Variants in KLF12 observed in about 807,000 individuals in gnomAD.
KLF12 encodes the protein Krueppel-like factor 12.
Under a neutral mutation model 37.8 loss-of-function variants are expected in KLF12, and 9 were observed. The observed-to-expected ratio is 0.24, with a 90% confidence interval of 0.14 to 0.42. The LOEUF is 0.42. Ranked by LOEUF, KLF12 falls within the 10% of genes least tolerant of loss-of-function variation. The pLI is 1.00. For synonymous variants in KLF12, 208 were observed against 202.1 expected, an observed-to-expected ratio of 1.03 and a Z score of -0.25; for missense variants, 411 against 516.0, an observed-to-expected ratio of 0.80 and a Z score of 1.97.
chr13:74,087,118 A>T (rs569518111), intron 1 of KLF12, among the ~76,000 whole-genome samples: 10 of 152,268 alleles, frequency 6.6e-5, no homozygotes, highest in African/African-American at 9.6e-5. Flanking sequence ...CTTGAGGATG[A>T]TGACAAGCTG....
intron 3 of KLF12, among the ~76,000 whole-genome samples, chr13:73,915,689 A>ATTTT (rs140697314): frequency 2.0e-5 from 2 of 99,128 alleles, no homozygotes; most frequent in African/African-American, 3.9e-5. Flanking sequence ...ATTTTTTTGT[A>ATTTT]TTTTTTTTTT....
chr13:73,817,308 G>A (rs1242462885), intron 4 of KLF12, among the ~76,000 whole-genome samples: 1 of 120,148 alleles, frequency 8.3e-6, no homozygotes, highest in East Asian at 2.4e-4. Context: ...AACAGAGTGA[G>A]ATCCTGTTTC....
chr13:74,078,577 G>T (rs984097209), intron 1 of KLF12, among the ~76,000 whole-genome samples: 3 of 152,146 alleles, frequency 2.0e-5, no homozygotes, highest in African/African-American at 7.2e-5. Flanking sequence ...ATAATTGTGT[G>T]ATGATATAGA....
chr13:73,739,405 G>A (rs1877787986), intron 6 of KLF12, among the ~76,000 whole-genome samples: 1 of 151,928 alleles, frequency 6.6e-6, no homozygotes, highest in Non-Finnish European at 1.5e-5. Context: ...CCCAATTCTG[G>A]GCTGGGAATA....
At chr13:73,954,454 C>G (rs1244853009) in intron 2 of KLF12, among the ~76,000 whole-genome samples, 1 of 152,112 alleles carries the variant, frequency 6.6e-6, no homozygotes, top group Non-Finnish European at 1.5e-5. Flanking sequence ...AAAAAATGAT[C>G]TTTAGATTTT....
At chr13:74,146,870 G>C in the KLF12 span, among the ~76,000 whole-genome samples, 11 of 152,330 alleles carry the variant, frequency 7.2e-5, no homozygotes, top group Non-Finnish European at 1.3e-4. Context: ...GGTAAGAGAT[G>C]GAGCTGAGAT....
At chr13:73,831,386 C>A (rs1884151520) in intron 4 of KLF12, among the ~76,000 whole-genome samples, 1 of 151,910 alleles carries the variant, frequency 6.6e-6, no homozygotes, top group Admixed American at 6.6e-5. Flanking sequence ...ATATGTAAAG[C>A]AGAAAGAACA....
intron 2 of KLF12, among the ~76,000 whole-genome samples, chr13:73,978,596 T>C (rs1239153307): frequency 6.6e-6 from 1 of 152,172 alleles, no homozygotes; most frequent in Non-Finnish European, 1.5e-5. Flanking sequence ...CACCAATCAT[T>C]TCTTTTTTTA....
chr13:73,946,869 ACTAT>A (rs888165492), intron 2 of KLF12, among the ~76,000 whole-genome samples: 1 of 152,190 alleles, frequency 6.6e-6, no homozygotes, highest in Admixed American at 6.5e-5. Context: ...CATGCTCCAA[ACTAT>A]CTAGGAAGGT....
chr13:73,841,686 G>C (rs1176477931), intron 4 of KLF12, among the ~76,000 whole-genome samples: 1 of 152,042 alleles, frequency 6.6e-6, no homozygotes, highest in Non-Finnish European at 1.5e-5. Flanking sequence ...GTATAGGCTG[G>C]TGCAAGAGTA....
chr13:74,278,048 G>A, the KLF12 span, among the ~76,000 whole-genome samples: 2 of 152,152 alleles, frequency 1.3e-5, no homozygotes, highest in Non-Finnish European at 2.9e-5. Context: ...GGGTTGGGTG[G>A]TGCTGTTCTC....
At chr13:73,899,759 T>G (rs1386139724) in intron 3 of KLF12, among the ~76,000 whole-genome samples, 1 of 152,138 alleles carries the variant, frequency 6.6e-6, no homozygotes, top group Admixed American at 6.5e-5. Context: ...ATATCAGCAC[T>G]CCAGGTTCTC....
rs562028585 is a variant in KLF12, at chr13:73,686,378, C to T, written c.*9112G>A. 1.3e-5 allele frequency: 2 copies of T among 152,542 alleles called. No homozygotes were observed. Among genetic ancestry groups the T allele is most frequent in the South Asian group, 2.1e-4 (1 of 4,824 alleles). 9.4% of individuals were successfully genotyped at this position (152,542 alleles called of 1,614,324 possible). ...ATAGGGCAAAAAAATCACCATTTTA[C>T]AGTAAAAGGAAAAAAGCTCTGAGTA... On this transcript the variant is annotated 3_prime_UTR_variant, in exon 8 of 8. Coordinates refer to ENST00000377669, the MANE Select transcript of KLF12 (RefSeq NM_007249.5).
At chr13:73,834,554 A>G (rs987724784) in intron 4 of KLF12, among the ~76,000 whole-genome samples, 14 of 152,124 alleles carry the variant, frequency 9.2e-5, no homozygotes, top group Non-Finnish European at 1.8e-4. Flanking sequence ...TCTGTTTCCT[A>G]CGCCAGGGTG....
intron 2 of KLF12, among the ~76,000 whole-genome samples, chr13:73,990,449 A>C (rs969194502): frequency 6.6e-6 from 1 of 152,190 alleles, no homozygotes; most frequent in Non-Finnish European, 1.5e-5. Flanking sequence ...GTGACACCAA[A>C]TGCCAGATGA....
At chr13:74,150,570 T>G in the KLF12 span, among the ~76,000 whole-genome samples, 1 of 152,242 alleles carries the variant, frequency 6.6e-6, no homozygotes, top group Non-Finnish European at 1.5e-5. Flanking sequence ...TTACTATAGA[T>G]CTTAGCAACA....
chr13:73,865,812 T>C (rs971479976), intron 3 of KLF12, among the ~76,000 whole-genome samples: 10 of 152,128 alleles, frequency 6.6e-5, no homozygotes, highest in Admixed American at 3.3e-4. Context: ...TAGTCAAATA[T>C]AGATTCCAAA....
chr13:74,239,253 G>A, the KLF12 span, among the ~76,000 whole-genome samples: 1 of 152,100 alleles, frequency 6.6e-6, no homozygotes, highest in Admixed American at 6.6e-5. Flanking sequence ...GAGCCGTTTT[G>A]AGTGAGATTC....
chr13:74,057,789 G>C (rs983942615), intron 1 of KLF12, among the ~76,000 whole-genome samples: 6 of 152,104 alleles, frequency 3.9e-5, no homozygotes, highest in African/African-American at 1.4e-4. Flanking sequence ...TAAGGGAAAT[G>C]AGGAAAAATA....
Sources: gnomAD v4.1 joint callset for allele counts (sites outside exome capture counted in the v4.1 genomes callset) on GRCh38, gnomAD v4.1.1 for gene constraint, MANE v1.5 for transcripts, NCBI Gene and HGNC (gene_info 2026-07-23, HGNC 2026-07-21) for gene names.